The following PPP2R5C variants were observed in gnomAD, a reference collection of about 807,000 sequenced individuals.
PPP2R5C encodes the protein protein phosphatase 2 regulatory subunit B'gamma.
A neutral mutation model predicts 68.9 loss-of-function variants in PPP2R5C; 7 were observed. The observed-to-expected ratio is 0.10, with a 90% CI of 0.06 to 0.19. The LOEUF is 0.19. Among genes scored for constraint, PPP2R5C ranks in the 10% least tolerant of loss-of-function variants. PPP2R5C has a pLI of 1.00. For missense variants in PPP2R5C, 348 were observed against 641.3 expected (o/e 0.54, Z 4.94); for synonymous variants, 210 against 222.2 (o/e 0.95, Z 0.49).
intron 1 of PPP2R5C, among the ~76,000 whole-genome samples, chr14:101,846,202 G>A (rs2041818589): frequency 6.6e-6 from 1 of 152,202 alleles, no homozygotes; most frequent in African/African-American, 2.4e-5. Flanking sequence ...GACCCGGAGG[G>A]AGGCGGGGAC....
In PPP2R5C at chr14:101,884,312, A is replaced by G. The variant is rs556176098; in HGVS notation, c.629+750A>G. 1.3e-3 allele frequency among the ~76,000 whole-genome samples: 196 copies of G among 152,270 alleles called. No individual in the cohort carries two copies. The Middle Eastern group carries it at 0.014, about 11-fold the overall frequency. Reference sequence around the variant, plus strand: ...AGGATGGGTCTGCGTCTCCCAGTCCACTGACTCAAATGTTAATCTCCTTTG... The same window carrying G: ...AGGATGGGTCTGCGTCTCCCAGTCCGCTGACTCAAATGTTAATCTCCTTTG... On this transcript the variant is annotated intron_variant, in intron 5 of 13. Transcript: ENST00000334743.
At chr14:101,860,846 C>T (rs568213193) in intron 2 of PPP2R5C, among the ~76,000 whole-genome samples, 6 of 152,306 alleles carry the variant, frequency 3.9e-5, no homozygotes, top group African/African-American at 1.4e-4. Context: ...TTAATGGAAA[C>T]GTCCTGATCA....
chr14:101,779,200 G>T (rs1232192491), intron 2 of PPP2R5C, among the ~76,000 whole-genome samples: 1 of 152,240 alleles, frequency 6.6e-6, no homozygotes, highest in Admixed American at 6.5e-5. Flanking sequence ...GGACGTGAGA[G>T]ACAGTGACTG....
chr14:101,788,844 C>G (rs1320182250), intron 3 of PPP2R5C, among the ~76,000 whole-genome samples: 4 of 152,074 alleles, frequency 2.6e-5, no homozygotes, highest in Non-Finnish European at 5.9e-5. Context: ...TTTTTTCCAT[C>G]TAGGAAGATG....
At chr14:101,811,441 G>C (rs545288233) in intron 1 of PPP2R5C, among the ~76,000 whole-genome samples, 2 of 152,236 alleles carry the variant, frequency 1.3e-5, no homozygotes, top group South Asian at 4.1e-4. Flanking sequence ...CCCGAGCTCA[G>C]GTGATTCTCC....
At chr14:101,875,834 T>G (rs1221586775) in intron 2 of PPP2R5C, among the ~76,000 whole-genome samples, 1 of 152,232 alleles carries the variant, frequency 6.6e-6, no homozygotes, top group Non-Finnish European at 1.5e-5. Context: ...TATGATCTCA[T>G]TCCACATCAA....
chr14:101,760,858 G>A (rs1385062953), upstream of PPP2R5C: 1 of 223,534 alleles, frequency 4.5e-6, no homozygotes, highest in Admixed American at 1.2e-4. Context: ...AAGGGGAGGG[G>A]CCGGTCGAGG....
rs944116586 is a variant in PPP2R5C, at chr14:101,916,159, T to G, written c.1327-1672T>G. Among the ~76,000 whole-genome samples the G allele has an allele frequency of 5.3e-5, 8 of 152,316 alleles. No individual in the cohort carries two copies. Among genetic ancestry groups the G allele is most frequent in the Admixed American group, 4.6e-4 (7 of 15,300 alleles). On this transcript the variant is annotated intron_variant, in intron 12 of 13. Transcript: ENST00000334743. The surrounding 1 kb of genome is among the most constrained non-coding windows in gnomAD (Gnocchi z 5.5). ...CCCGACTTGCATTTTTGCAAGCTCT[T>G]TGGCGCAGCATGGATGGAGTGCTGG...
intron 2 of PPP2R5C, chr14:101,765,442 C>G (rs1020698766): frequency 1.4e-5 from 8 of 588,974 alleles, no homozygotes; most frequent in Admixed American, 5.9e-5. Context: ...ATGATTGACT[C>G]ATGCAGGTGA....
Position 101,912,482 on chromosome 14 carries a change from A to G in PPP2R5C, c.1326+9A>G. The G allele has an allele frequency of 1.9e-6, 3 of 1,600,282 alleles. 1 individual carries two copies. The highest frequency in any genetic ancestry group is 2.6e-6 in the Non-Finnish European group (3 of 1,176,390). On this transcript the variant is annotated intron_variant, in intron 12 of 13. Transcript: ENST00000334743. ...CCAAAGCCAATCCCCAGGTACTAAA[A>G]AAGAGAATAACATGAAAACGCCCAG...
At chr14:101,848,641 T>G (rs771118751) in intron 1 of PPP2R5C, among the ~76,000 whole-genome samples, 2 of 152,154 alleles carry the variant, frequency 1.3e-5, no homozygotes, top group African/African-American at 4.8e-5. Context: ...TCGTCGGTGT[T>G]GACGCATCTA....
At chr14:101,924,947 C>A (rs1481567002) in intron 13 of PPP2R5C, among the ~76,000 whole-genome samples, 194 bp from the exon 16 acceptor site, 1 of 152,178 alleles carries the variant, frequency 6.6e-6, no homozygotes, top group Admixed American at 6.5e-5. Flanking sequence ...AAACGAGTCA[C>A]GATTTTTAGT....
In PPP2R5C at chr14:101,882,351, G is replaced by T. The variant is rs906186789; in HGVS notation, c.405+80G>T. ...CTGGGATCCACAGAGCGGGCGCACT[G>T]GTCTGGCCAGATGGACCTCTCCTCC... is the stretch of plus-strand genomic sequence containing the variant. On this transcript the variant is annotated intron_variant, in intron 3 of 13. Transcript: ENST00000334743. The surrounding 1 kb of genome is among the most constrained non-coding windows in gnomAD (Gnocchi z 4.9). The T allele has an allele frequency of 9.2e-6, 10 of 1,089,362 alleles. No homozygotes were observed. In the African/African-American group the frequency reaches 1.6e-4, roughly 17 times the overall value. The allele number at this position is 1,089,362 out of a possible 1,614,324, so 67.5% of individuals were successfully genotyped here. A position where few individuals can be genotyped will look rare whatever the true frequency, so the allele number is the denominator to read the frequency against.
chr14:101,918,603 A>G (rs190159530), intron 13 of PPP2R5C, among the ~76,000 whole-genome samples: 45 of 214 alleles, frequency 0.21, 10 homozygotes, highest in South Asian at 0.67. Flanking sequence ...CATCCCCCTC[A>G]CTCCTCTCGC....
At chr14:101,787,171 G>A (rs2038130690) in intron 3 of PPP2R5C, among the ~76,000 whole-genome samples, 1 of 152,216 alleles carries the variant, frequency 6.6e-6, no homozygotes, top group South Asian at 2.1e-4. Context: ...GATTGCTTGA[G>A]CCTGGGAGGC....
chr14:101,765,630 C>G (rs1208177473), intron 2 of PPP2R5C: 1 of 164,134 alleles, frequency 6.1e-6, no homozygotes, highest in Non-Finnish European at 1.3e-5. Context: ...TGCAATGGCA[C>G]AGTCTCGGCT....
chr14:101,814,310 C>T (rs1195432837), intron 1 of PPP2R5C, among the ~76,000 whole-genome samples: 2 of 152,226 alleles, frequency 1.3e-5, no homozygotes, highest in Non-Finnish European at 2.9e-5. Flanking sequence ...GAACTACAGC[C>T]TTAACCTTAC....
At chr14:101,839,258 G>A (rs532212403) in intron 1 of PPP2R5C, 5 of 152,206 alleles carry the variant, frequency 3.3e-5, no homozygotes, top group African/African-American at 1.2e-4. Context: ...GCTGAGGCAG[G>A]AGAATCACTT....
chr14:101,809,697 G>A, upstream of PPP2R5C: 1 of 688,532 alleles, frequency 1.5e-6, no homozygotes, highest in Non-Finnish European at 2.0e-6. Context: ...GCAAAAAGCC[G>A]GAAAATATCC....
Sources: gnomAD v4.1 joint callset for allele counts (sites outside exome capture counted in the v4.1 genomes callset) on GRCh38, gnomAD v4.1.1 for gene constraint, Gnocchi (gnomAD v3.1) non-coding constraint, MANE v1.5 for transcripts, NCBI Gene and HGNC (gene_info 2026-07-23, HGNC 2026-07-21) for gene names.